FAAH2: variants seen among roughly 807,000 people sequenced by gnomAD.
FAAH2 encodes the protein fatty acid amide hydrolase 2.
In FAAH2, 60 loss-of-function variants were observed where a neutral mutation model predicts 36.9. That is an observed-to-expected ratio of 1.63 (90% confidence interval 1.32 to 2.02). The LOEUF is 2.02. Ranked by LOEUF, FAAH2 falls within the 30% of genes most tolerant of loss-of-function variation. FAAH2 has a pLI of 0.00. For missense variants in FAAH2, 689 were observed against 397.5 expected, an observed-to-expected ratio of 1.73 and a Z score of -6.23; for synonymous variants, 214 against 143.8, an observed-to-expected ratio of 1.49 and a Z score of -3.49.
intron 2 of FAAH2, among the ~76,000 whole-genome samples, chrX:57,295,218 G>A (rs1352890497): frequency 8.9e-6 from 1 of 111,933 alleles, no homozygotes; most frequent in Non-Finnish European, 1.9e-5. Flanking sequence ...TATTTCTGAG[G>A]GTGTGTGATG....
chrX:57,178,310 G>A, the FAAH2 span, among the ~76,000 whole-genome samples: 1 of 112,142 alleles, frequency 8.9e-6, no homozygotes, highest in African/African-American at 3.2e-5. Context: ...AGCTGAGGTT[G>A]CACAAAAAGT....
At chrX:57,423,883 G>T (rs895728749) in intron 7 of FAAH2, among the ~76,000 whole-genome samples, 3 of 111,612 alleles carry the variant, frequency 2.7e-5, no homozygotes, top group Non-Finnish European at 5.6e-5. Context: ...CAAAGCTCAA[G>T]CTTGAACCCC....
At chrX:57,256,640 G>T in the FAAH2 span, among the ~76,000 whole-genome samples, 1 of 111,802 alleles carries the variant, frequency 8.9e-6, no homozygotes, top group Non-Finnish European at 1.9e-5. Flanking sequence ...CATGGGAAAA[G>T]ACTTCATGTC....
intron 2 of FAAH2, among the ~76,000 whole-genome samples, chrX:57,294,623 C>A (rs1039208842): frequency 2.6e-4 from 29 of 112,097 alleles, no homozygotes; most frequent in African/African-American, 9.1e-4. Flanking sequence ...TACGGAACTA[C>A]TCTATTTCTC....
chrX:57,142,718 T>C, the FAAH2 span, among the ~76,000 whole-genome samples: 1 of 111,915 alleles, frequency 8.9e-6, no homozygotes, highest in African/African-American at 3.2e-5. Flanking sequence ...TAGTCCACAC[T>C]TGTTATCGTT....
At chrX:57,416,533 C>A (rs1244977887) in intron 7 of FAAH2, among the ~76,000 whole-genome samples, 2 of 111,921 alleles carry the variant, frequency 1.8e-5, no homozygotes, top group African/African-American at 6.5e-5. Context: ...AAATTATTTT[C>A]TTTAAGAATG....
chrX:57,220,795 C>T, the FAAH2 span, among the ~76,000 whole-genome samples: 12 of 111,634 alleles, frequency 1.1e-4, no homozygotes, highest in South Asian at 7.6e-4. Context: ...CCCCTCTCTG[C>T]GGAGAACCCC....
the FAAH2 span, chrX:57,228,888 A>G: frequency 3.6e-5 from 4 of 111,112 alleles, no homozygotes; most frequent in Non-Finnish European, 7.5e-5. Flanking sequence ...TGAGCTGAGT[A>G]CTTTACAGCT....
rs768259739 is a variant in FAAH2, at chrX:57,436,357, T to TA, written c.1116+4331dup. ...CGAAAAGTGGCAGAAGAAAATGAGT[T>TA]AAAAAAAAAAATTCTAGTAGAACTA... is the stretch of plus-strand genomic sequence containing the variant. On this transcript the variant is annotated intron_variant, in intron 8 of 10. Transcript: ENST00000374900. 6.2e-3 allele frequency among the ~76,000 whole-genome samples: 637 copies of TA among 103,022 alleles called. 3 individuals are homozygous for TA. The highest frequency in any genetic ancestry group is 0.016 in the African/African-American group (464 of 28,599). 89.5% of individuals were successfully genotyped at this position (103,022 alleles called of 115,157 possible). A position where few individuals can be genotyped will look rare whatever the true frequency, so the allele number is the denominator to read the frequency against.
intron 7 of FAAH2, chrX:57,392,821 C>T: frequency 1.5e-6 from 1 of 675,271 alleles, no homozygotes; most frequent in Non-Finnish European, 2.5e-6. Context: ...CCTTTTCGCT[C>T]TGGGTTGTGA....
At chrX:57,171,974 A>G in the FAAH2 span, among the ~76,000 whole-genome samples, 60 of 111,987 alleles carry the variant, frequency 5.4e-4, no homozygotes, top group Admixed American at 4.1e-3. Flanking sequence ...GCATGTAACT[A>G]TCCAATTTTC....
the FAAH2 span, among the ~76,000 whole-genome samples, chrX:57,150,536 A>T: frequency 1.8e-5 from 2 of 111,311 alleles, no homozygotes; most frequent in East Asian, 2.8e-4. Flanking sequence ...GTCTCTTTTG[A>T]TCTTTGTTGG....
intron 5 of FAAH2, among the ~76,000 whole-genome samples, chrX:57,357,842 C>T (rs1479986403): frequency 9.9e-5 from 11 of 111,252 alleles, no homozygotes; most frequent in Admixed American, 3.8e-4. Flanking sequence ...TGGGTATACA[C>T]CCAAAGGATT....
chrX:57,337,906 C>T (rs1046357017), intron 4 of FAAH2, among the ~76,000 whole-genome samples: 1 of 111,372 alleles, frequency 9.0e-6, no homozygotes, highest in South Asian at 3.8e-4. Context: ...TCTGGCCAGA[C>T]AATTAGGCAA....
At chrX:57,363,913 C>T (rs1285644567) in intron 5 of FAAH2, among the ~76,000 whole-genome samples, 1 of 108,588 alleles carries the variant, frequency 9.2e-6, no homozygotes, top group Non-Finnish European at 1.9e-5. Context: ...AGGAATAAGA[C>T]ATTAATTACC....
At chrX:57,308,561 A>T (rs146269940) in intron 2 of FAAH2, among the ~76,000 whole-genome samples, 1 of 111,400 alleles carries the variant, frequency 9.0e-6, no homozygotes, top group South Asian at 3.8e-4. Context: ...GTTTGTAAAT[A>T]TTTTCTCCTA....
intron 4 of FAAH2, among the ~76,000 whole-genome samples, chrX:57,334,621 A>C (rs188046908): frequency 1.4e-3 from 161 of 111,593 alleles, no homozygotes; most frequent in African/African-American, 5.0e-3. Flanking sequence ...TAATGCCAAC[A>C]ATGTGTTGGG....
At chrX:57,288,681 G>A (rs2051891478) in intron 1 of FAAH2, among the ~76,000 whole-genome samples, 1 of 110,663 alleles carries the variant, frequency 9.0e-6, no homozygotes, top group East Asian at 2.8e-4. Context: ...TTGTGTCTCT[G>A]ATGTCCTTTA....
chrX:57,371,951 G>T (rs936697657), intron 5 of FAAH2, among the ~76,000 whole-genome samples: 2 of 111,874 alleles, frequency 1.8e-5, no homozygotes, highest in Admixed American at 9.5e-5. Context: ...GCCTCAGGCT[G>T]CATTAATGTT....
Sources: allele counts gnomAD v4.1 joint callset (sites outside exome capture counted in the v4.1 genomes callset), GRCh38; gene constraint gnomAD v4.1.1; transcripts MANE v1.5; gene names NCBI Gene and HGNC (gene_info 2026-07-23, HGNC 2026-07-21).